KIRREL3: variants seen among roughly 807,000 people sequenced by gnomAD.
The protein encoded by KIRREL3 is kin of IRRE-like protein 3.
KIRREL3 carries 36 observed loss-of-function variants against 89.7 expected under a neutral mutation model. The ratio of observed to expected loss-of-function variants is 0.40; its 90% CI spans 0.31 to 0.53. The LOEUF (loss-of-function observed/expected upper bound fraction) is 0.53, where lower values mean the gene tolerates loss of function less well. Among genes scored for constraint, KIRREL3 ranks in the 20% least tolerant of loss-of-function variants. The pLI, the probability that KIRREL3 is intolerant of heterozygous loss-of-function variation, is 0.49. For synonymous variants in KIRREL3, 445 were observed against 441.4 expected (o/e 1.01, Z -0.10); for missense variants, 864 against 1,056.6 (o/e 0.82, Z 2.53).
In KIRREL3 at chr11:126,879,673, G is replaced by T. The variant is rs1945421532; in HGVS notation, c.55+120782C>A. On this transcript the variant is annotated intron_variant, in intron 1 of 16. Coordinates refer to ENST00000525144, the MANE Select transcript of KIRREL3 (RefSeq NM_032531.4). The surrounding 1 kb of genome is among the most constrained non-coding windows in gnomAD (Gnocchi z 5.4). ...ATGAGGCCTCTCAAAAGAATGGAGAGATAGCCTTGATATTTGTGGTTCAGT... is the reference window on the plus strand; with the variant it reads ...ATGAGGCCTCTCAAAAGAATGGAGATATAGCCTTGATATTTGTGGTTCAGT... Among the ~76,000 whole-genome samples, 2 of 152,210 alleles carry T rather than the reference G, an allele frequency of 1.3e-5. No homozygotes were observed. The highest frequency in any genetic ancestry group is 2.9e-5 in the Non-Finnish European group (2 of 68,044).
chr11:126,685,323 G>A lies in KIRREL3; in HGVS notation c.56-122411C>T, dbSNP rs1358125683. On this transcript the variant is annotated intron_variant, in intron 1 of 16. Transcript: ENST00000525144. The surrounding 1 kb of genome is among the most constrained non-coding windows in gnomAD (Gnocchi z 5.5). ...CAGGGCCTGCCTCACACCCAGCACT[G>A]GGTGGGTTTTGTGCAGGAGAACTTC... Among the ~76,000 whole-genome samples, 2 of 152,122 alleles carry A rather than the reference G, an allele frequency of 1.3e-5. No individual in the cohort carries two copies. The highest frequency in any genetic ancestry group is 2.9e-5 in the Non-Finnish European group (2 of 68,020).
In KIRREL3 at chr11:126,709,731, T is replaced by A. The variant is rs1409723449; in HGVS notation, c.56-146819A>T. Among the ~76,000 whole-genome samples the A allele has an allele frequency of 1.3e-5, 2 of 152,152 alleles. No homozygotes were observed. The highest frequency in any genetic ancestry group is 1.3e-4 in the Admixed American group (2 of 15,282). ...GAAACCAACCCTGTAGACACCTCCA[T>A]CTCAGACCTCCTGCCTGCAGAATTG... On this transcript the variant is annotated intron_variant, in intron 1 of 16. Transcript: ENST00000525144. This position sits in a 1 kb window ranked among gnomAD's most constrained non-coding sequence, Gnocchi z 4.0.
intron 1 of KIRREL3, among the ~76,000 whole-genome samples, chr11:126,923,129 C>CTTCTCTTCTTCT (rs1555090094): frequency 7.8e-5 from 2 of 25,730 alleles, no homozygotes; most frequent in Admixed American, 4.1e-4. Flanking sequence ...TCTCCTTCTT[C>CTTCTCTTCTTCT]TCTTCTTCTT....
At chr11:126,693,660 G>T (rs994517598) in intron 1 of KIRREL3, among the ~76,000 whole-genome samples, 5 of 151,780 alleles carry the variant, frequency 3.3e-5, no homozygotes, top group Non-Finnish European at 5.9e-5. Flanking sequence ...CTCAAATCAG[G>T]CTGAGTTTCC....
chr11:126,472,466 A>G (rs1392593118), intron 5 of KIRREL3, among the ~76,000 whole-genome samples: 1 of 152,118 alleles, frequency 6.6e-6, no homozygotes, highest in South Asian at 2.1e-4. Context: ...AAGGGCACTG[A>G]TCCCATTTAT....
At chr11:126,945,467 AT>A (rs1431386207) in intron 1 of KIRREL3, among the ~76,000 whole-genome samples, 4 of 152,172 alleles carry the variant, frequency 2.6e-5, no homozygotes, top group Non-Finnish European at 2.9e-5. Context: ...CACTGGAAGA[AT>A]GTGGCCTGGG....
rs920100980 is a variant in KIRREL3, at chr11:126,459,387, T to C, written c.743-2933A>G. Among the ~76,000 whole-genome samples the C allele has an allele frequency of 6.6e-6, 1 of 152,104 alleles. No individual in the cohort carries two copies. The highest frequency in any genetic ancestry group is 1.5e-5 in the Non-Finnish European group (1 of 68,010). Reference sequence around the variant, plus strand: ...GCTCTCCTGCACTTTCCCTTCCTCTTAGCATCGTCTTTGGTGATCACCTGC... The same window carrying C: ...GCTCTCCTGCACTTTCCCTTCCTCTCAGCATCGTCTTTGGTGATCACCTGC... On this transcript the variant is annotated intron_variant, in intron 6 of 16. Coordinates refer to ENST00000525144, the MANE Select transcript of KIRREL3 (RefSeq NM_032531.4). This position sits in a 1 kb window ranked among gnomAD's most constrained non-coding sequence, Gnocchi z 4.8.
rs644819 is a variant in KIRREL3, at chr11:126,981,871, T to C, written c.55+18584A>G. On this transcript the variant is annotated intron_variant, in intron 1 of 16. Transcript: ENST00000525144. The surrounding 1 kb of genome is among the most constrained non-coding windows in gnomAD (Gnocchi z 4.2). Reference sequence around the variant, plus strand: ...AGCACACACTCCCTTGCTTGGGGGCTCTGCTGGGATGACAGCCTTTAAACA... The same window carrying C: ...AGCACACACTCCCTTGCTTGGGGGCCCTGCTGGGATGACAGCCTTTAAACA... Among the ~76,000 whole-genome samples, 18,967 of 152,242 alleles carry C rather than the reference T, an allele frequency of 0.12. 1,384 individuals are homozygous for C. The highest frequency in any genetic ancestry group is 0.21 in the Middle Eastern group (62 of 294).
At chr11:126,732,629 C>T (rs1438860445) in intron 1 of KIRREL3, among the ~76,000 whole-genome samples, 2 of 152,230 alleles carry the variant, frequency 1.3e-5, no homozygotes, top group African/African-American at 4.8e-5. Flanking sequence ...TTCCTGCTCT[C>T]TGGAGTTGAC....
rs762046050 is a variant in KIRREL3 at position 126,578,858 on chromosome 11, G to T, written c.56-15946C>A. Among the ~76,000 whole-genome samples the T allele has an allele frequency of 6.6e-6, 1 of 152,072 alleles. No homozygotes were observed. The highest frequency in any genetic ancestry group is 1.5e-5 in the Non-Finnish European group (1 of 68,028). ...TTCCAAGGTGAAAATAAGCCATCAC[G>T]TATTGACCATCTGTCAGCAAGTATC... On this transcript the variant is annotated intron_variant, in intron 1 of 16. Coordinates refer to ENST00000525144, the MANE Select transcript of KIRREL3 (RefSeq NM_032531.4). This position sits in a 1 kb window ranked among gnomAD's most constrained non-coding sequence, Gnocchi z 4.9.
intron 1 of KIRREL3, among the ~76,000 whole-genome samples, chr11:126,930,315 G>A (rs1225500870): frequency 6.6e-6 from 1 of 152,194 alleles, no homozygotes; most frequent in African/African-American, 2.4e-5. Context: ...ACCTCATTGT[G>A]TTCTCCCAAG....
intron 1 of KIRREL3, among the ~76,000 whole-genome samples, chr11:126,603,890 GC>G (rs1175855432): frequency 3.9e-5 from 6 of 152,110 alleles, no homozygotes; most frequent in African/African-American, 9.6e-5. Context: ...TCCCCAAATA[GC>G]CCCCCCTCCT....
At chr11:126,851,929 A>T (rs4935998) in intron 1 of KIRREL3, among the ~76,000 whole-genome samples, 4 of 151,952 alleles carry the variant, frequency 2.6e-5, no homozygotes, top group Non-Finnish European at 5.9e-5. Context: ...CGAGGAGAGT[A>T]GGGCGGGTGG....
intron 1 of KIRREL3, among the ~76,000 whole-genome samples, chr11:126,944,028 T>C (rs1948540196): frequency 6.6e-6 from 1 of 152,122 alleles, no homozygotes; most frequent in Non-Finnish European, 1.5e-5. Context: ...AAGATTCTCA[T>C]TCCAGGTGCC....
At position 126,797,530 on chromosome 11, in the gene KIRREL3, A is replaced by C. The variant is rs1012624646; in HGVS notation, c.55+202925T>G. Among the ~76,000 whole-genome samples the C allele has an allele frequency of 6.6e-6, 1 of 152,062 alleles. No homozygotes were observed. Among genetic ancestry groups the C allele is most frequent in the Non-Finnish European group, 1.5e-5 (1 of 68,022 alleles). ...CTTCTCCCATGGTGATCCCCAGAAG[A>C]AGCTCTGAGGGGGCACTAGAGTTTT... On this transcript the variant is annotated intron_variant, in intron 1 of 16. Coordinates refer to ENST00000525144, the MANE Select transcript of KIRREL3 (RefSeq NM_032531.4). The surrounding 1 kb of genome is among the most constrained non-coding windows in gnomAD (Gnocchi z 4.9).
At chr11:126,921,963 ATATCTATCTATCTATC>A (rs146200311) in intron 1 of KIRREL3, among the ~76,000 whole-genome samples, 134 of 140,010 alleles carry the variant, frequency 9.6e-4, no homozygotes, top group Middle Eastern at 4.5e-3. Context: ...CTGTATATCT[ATATCTATCTATCTATC>A]TATCTATCTA....
intron 1 of KIRREL3, among the ~76,000 whole-genome samples, chr11:126,619,277 G>A (rs914447799): frequency 6.6e-6 from 1 of 152,332 alleles, no homozygotes; most frequent in East Asian, 1.9e-4. Context: ...GCCAGACTGA[G>A]TTTGGCACAT....
Position 126,685,959 on chromosome 11 carries a change from C to T in KIRREL3, c.56-123047G>A, listed in dbSNP as rs901595444. Among the ~76,000 whole-genome samples, 2 of 152,222 alleles carry T rather than the reference C, an allele frequency of 1.3e-5. No individual in the cohort carries two copies. Among genetic ancestry groups the T allele is most frequent in the South Asian group, 2.1e-4 (1 of 4,830 alleles). On this transcript the variant is annotated intron_variant, in intron 1 of 16. Coordinates refer to ENST00000525144, the MANE Select transcript of KIRREL3 (RefSeq NM_032531.4). This position sits in a 1 kb window ranked among gnomAD's most constrained non-coding sequence, Gnocchi z 5.5. ...CCCATGTGCACAGCTTACTCCTTTG[C>T]TCCACCCGGCTCTGCCTCTGTTCCC...
chr11:126,762,855 C>T (rs546126414), intron 1 of KIRREL3, among the ~76,000 whole-genome samples: 1 of 152,230 alleles, frequency 6.6e-6, no homozygotes, highest in African/African-American at 2.4e-5. Context: ...GGCTTAATGC[C>T]AAGTGGGGTC....
Sources: allele counts gnomAD v4.1 joint callset (sites outside exome capture counted in the v4.1 genomes callset), GRCh38; gene constraint gnomAD v4.1.1; non-coding constraint Gnocchi (gnomAD v3.1); transcripts MANE v1.5; gene names NCBI Gene and HGNC (gene_info 2026-07-23, HGNC 2026-07-21).